The following IGSF9 variants were observed in gnomAD, a reference collection of about 807,000 sequenced individuals.
IGSF9 encodes protein turtle homolog A.
A neutral mutation model predicts 121.7 loss-of-function variants in IGSF9; 87 were observed. The ratio of observed to expected loss-of-function variants is 0.71; its 90% CI spans 0.60 to 0.85. The LOEUF (loss-of-function observed/expected upper bound fraction) is 0.85, where lower values mean the gene tolerates loss of function less well. Among genes scored for constraint, IGSF9 ranks in the 40% least tolerant of loss-of-function variants. The pLI, the probability that IGSF9 is intolerant of heterozygous loss-of-function variation, is 0.00. For missense variants in IGSF9, 1,462 were observed against 1,565.3 expected (o/e 0.93, Z 1.11); for synonymous variants, 640 against 648.4 (o/e 0.99, Z 0.20).
rs1651006459 is a variant in IGSF9 at position 159,931,714 on chromosome 1, TCTC to T, written c.1362+95_1362+97del. The T allele has an allele frequency of 2.7e-6, 4 of 1,498,208 alleles. No homozygotes were observed. Among genetic ancestry groups the T allele is most frequent in the Non-Finnish European group, 3.6e-6 (4 of 1,098,812 alleles). 92.8% of individuals were successfully genotyped at this position (1,498,208 alleles called of 1,614,324 possible). A position where few individuals can be genotyped will look rare whatever the true frequency, so the allele number is the denominator to read the frequency against. ...CTCCCCACCCTGCCTCTGACAGCCT[TCTC>T]CTTCCCACACCCTCCCTCCCACAAA... On this transcript the variant is annotated intron_variant, in intron 11 of 20. Transcript: ENST00000368094. This position sits in a 1 kb window ranked among gnomAD's most constrained non-coding sequence, Gnocchi z 4.8.
rs1223636156 is a variant in IGSF9 at position 159,927,429 on chromosome 1, G to C, written c.3456C>G (p.Phe1152Leu). 1 of 1,614,148 alleles carries C rather than the reference G, an allele frequency of 6.2e-7. No individual in the cohort carries two copies. Among genetic ancestry groups the C allele is most frequent in the East Asian group, 2.2e-5 (1 of 44,886 alleles). ...CCCTAGTAGCATCTCGGCGGCGGCG[G>C]AAGGCCAGGAATTCCTCCCGAAGGG... is the stretch of plus-strand genomic sequence containing the variant. ...CAALREEFLA[F>L]RRRRDATRAR... The change falls in exon 21 of 21, where the codon TTC becomes TTG. Residue 1152 changes from phenylalanine (F) to leucine (L), a missense_variant. Phe to Leu is a conservative substitution (Grantham distance 22). This residue lies in a region of IGSF9 where 808 missense variants were observed against 815.2 expected (regional missense o/e 0.99). Transcript: ENST00000368094.
chr1:159,932,880 C>G lies in IGSF9; in HGVS notation c.1105-228G>C. ...GTGACTGCACAACTCCAGGGGGTGCCACTCACAGAAAATACACTGTGAATG... is the reference window on the plus strand; with the variant it reads ...GTGACTGCACAACTCCAGGGGGTGCGACTCACAGAAAATACACTGTGAATG... On this transcript the variant is annotated intron_variant, in intron 9 of 20. Coordinates refer to ENST00000368094, the MANE Select transcript of IGSF9 (RefSeq NM_001135050.2). This position sits in a 1 kb window ranked among gnomAD's most constrained non-coding sequence, Gnocchi z 4.1. 2.1e-6 allele frequency: 1 copy of G among 485,236 alleles called. No individual in the cohort carries two copies. Among genetic ancestry groups the G allele is most frequent in the Non-Finnish European group, 3.6e-6 (1 of 277,070 alleles). The allele number at this position is 485,236 out of a possible 1,614,324, so 30.1% of individuals were successfully genotyped here.
Position 159,927,493 on chromosome 1 carries a change from T to C in IGSF9, c.3392A>G (p.Asn1131Ser). The C allele has an allele frequency of 1.2e-6, 2 of 1,613,986 alleles. No homozygotes were observed. The highest frequency in any genetic ancestry group is 1.1e-5 in the South Asian group (1 of 91,068). ...VKTPEEGCLL[N>S]TAHVTGPEAR... ...CTCAGGGCCAGTAACATGGGCAGTG[T>C]TCAGGAGGCAGCCCTCCTCTGGAGT... The change falls in exon 21 of 21, where the codon AAC becomes AGC. Residue 1131 changes from asparagine (N) to serine (S), a missense_variant. Asn to Ser is a conservative substitution (Grantham distance 46). Coordinates refer to ENST00000368094, the MANE Select transcript of IGSF9 (RefSeq NM_001135050.2).
In IGSF9 at chr1:159,932,926, G is replaced by A. The variant is rs879660332; in HGVS notation, c.1105-274C>T. On this transcript the variant is annotated intron_variant, in intron 9 of 20. Transcript: ENST00000368094. This position sits in a 1 kb window ranked among gnomAD's most constrained non-coding sequence, Gnocchi z 4.1. The stretch of plus-strand genomic sequence containing the variant: ...GAATGGCCACCCCTGTAGTTGGGCC[G>A]CGTGGGGCTTCCTGCCTGCTGGGAC... 35 of 335,246 alleles carry A rather than the reference G, an allele frequency of 1.0e-4. No homozygotes were observed. Among genetic ancestry groups the A allele is most frequent in the Admixed American group, 1.9e-4 (4 of 21,620 alleles). 20.8% of individuals were successfully genotyped at this position (335,246 alleles called of 1,614,324 possible).
In IGSF9 at chr1:159,943,062, G is replaced by C. The variant is rs769777467; in HGVS notation, c.148C>G (p.Pro50Ala). The C allele has an allele frequency of 3.7e-6, 6 of 1,611,390 alleles. No individual in the cohort carries two copies. The African/African-American group carries it at 6.7e-5, about 18-fold the overall frequency. Residue 50 changes from proline to alanine, a missense_variant, in exon 3 of 21, where the codon CCC becomes GCC. By Grantham distance (27) the Pro-to-Ala change is conservative. This residue lies in a region of IGSF9 where 558 missense variants were observed against 599.4 expected (regional missense o/e 0.93). Coordinates refer to ENST00000368094, the MANE Select transcript of IGSF9 (RefSeq NM_001135050.2). ...AGCCACTCGATGACATGCAGGGGGG[G>C]CCGGCCGGCCGGGGGCAGCAGGTCA... ...GCDLLPPAGR[P>A]PLHVIEWLRF...
At position 159,928,564 on chromosome 1, in the gene IGSF9, G is replaced by A. The variant is rs1211608105; in HGVS notation, c.2824C>T (p.Pro942Ser). 5 of 1,536,404 alleles carry A rather than the reference G, an allele frequency of 3.3e-6. No individual in the cohort carries two copies. The African/African-American group carries it at 4.1e-5, about 13-fold the overall frequency. Residue 942 changes from proline to serine, a missense_variant, in exon 19 of 21, where the codon CCC (proline) becomes TCC (serine). This residue lies in a region of IGSF9 where 808 missense variants were observed against 815.2 expected (regional missense o/e 0.99). Coordinates refer to ENST00000368094, the MANE Select transcript of IGSF9 (RefSeq NM_001135050.2). ...GCAGGGCTGGGCTCCTCAAGCGGGG[G>A]CCAGTCCCCATCCACATTCATCTCT... ...FREMNVDGDW[P>S]PLEEPSPAAP...
chr1:159,929,144 C>T (rs1003141527), intron 18 of IGSF9, 126 bp from the exon 19 acceptor site: 83 of 1,381,920 alleles, frequency 6.0e-5, no homozygotes, highest in Non-Finnish European at 7.8e-5. Context: ...AGGAAAGGAC[C>T]AACAAGGTGG....
chr1:159,929,087 C>T, intron 18 of IGSF9, 69 bp from the exon 19 acceptor site: 1 of 1,482,196 alleles, frequency 6.7e-7, no homozygotes, highest in Admixed American at 2.5e-5. Flanking sequence ...AGCGTCAGGC[C>T]TTGAGAGGTT....
At chr1:159,939,134 C>T (rs1334197445) in intron 3 of IGSF9, among the ~76,000 whole-genome samples, 2 of 152,208 alleles carry the variant, frequency 1.3e-5, no homozygotes, top group African/African-American at 2.4e-5. Flanking sequence ...ACCTGGGTTT[C>T]TCCAACAGCC....
In IGSF9 at chr1:159,928,368, C is replaced by A. The variant is rs201522235; in HGVS notation, c.3020G>T (p.Arg1007Leu). Residue 1007 changes from arginine (R) to leucine (L), a missense_variant, in exon 19 of 21, where the codon CGG becomes CTG. By Grantham distance (102) the Arg-to-Leu change is moderately radical. Transcript: ENST00000368094. ...TALADWTLRE[R>L]LLPGLLPAAP... ...AGCAGGGAGAAGGCCTGGCAGCAGC[C>A]GCTCCCTCAGTGTCCAGTCAGCCAG... The A allele has an allele frequency of 6.2e-7, 1 of 1,609,398 alleles. No homozygotes were observed. Among genetic ancestry groups the A allele is most frequent in the Non-Finnish European group, 8.5e-7 (1 of 1,177,986 alleles).
chr1:159,935,143 A>G (rs1306669760), intron 6 of IGSF9, among the ~76,000 whole-genome samples: 1 of 151,798 alleles, frequency 6.6e-6, no homozygotes, highest in Non-Finnish European at 1.5e-5. Flanking sequence ...CCTGCTTGTC[A>G]CCTCTTGAAT....
chr1:159,928,944 C>A lies in IGSF9; in HGVS notation c.2444G>T (p.Arg815Leu). 9.7e-6 allele frequency: 15 copies of A among 1,547,416 alleles called. No individual in the cohort carries two copies. Among genetic ancestry groups the A allele is most frequent in the South Asian group, 1.2e-5 (1 of 80,264 alleles). ...KLQGSPVPSL[R>L]QSLLWGDPAG... ...AGGATCCCCCCAGAGCAGACTCTGG[C>A]GCAGGCTGGGGACTGGGGATCCCTG... is the stretch of plus-strand genomic sequence containing the variant. The change falls in exon 19 of 21, where the codon CGC becomes CTC. Residue 815 changes from arginine to leucine, a missense_variant. By Grantham distance (102) the Arg-to-Leu change is moderately radical. Coordinates refer to ENST00000368094, the MANE Select transcript of IGSF9 (RefSeq NM_001135050.2).
At chr1:159,937,157 G>A (rs901817098) in intron 4 of IGSF9, among the ~76,000 whole-genome samples, 2 of 152,186 alleles carry the variant, frequency 1.3e-5, no homozygotes, top group African/African-American at 4.8e-5. Context: ...GGAGAGCCAA[G>A]CCCCCTCAGG....
Position 159,936,821 on chromosome 1 carries a change from CT to C in IGSF9, c.487del (p.Ser163AlafsTer6). ...PVTLRCVARGSPLPHVTWKLR... is the reference protein window; with the variant it reads ...PVTLRCVARGXPLPHVTWKLR... Reference sequence around the variant, plus strand: ...CTTCCACGTCACATGAGGCAGGGGGCTGCCACGGGCCACACAACGCAGGGTC... The same window carrying C: ...CTTCCACGTCACATGAGGCAGGGGGCGCCACGGGCCACACAACGCAGGGTC... On this transcript the variant is annotated frameshift_variant, in exon 5 of 21. Coordinates refer to ENST00000368094, the MANE Select transcript of IGSF9 (RefSeq NM_001135050.2). LOFTEE classifies it high-confidence loss of function. The C allele has an allele frequency of 6.2e-7, 1 of 1,614,242 alleles. No homozygotes were observed. The highest frequency in any genetic ancestry group is 8.5e-7 in the Non-Finnish European group (1 of 1,180,034).
At chr1:159,933,026 A>G (rs556047594) in intron 9 of IGSF9, 3 of 172,034 alleles carry the variant, frequency 1.7e-5, no homozygotes, top group African/African-American at 7.1e-5. Context: ...CTATTTCTCT[A>G]TTAAAGGGCC....
In IGSF9 at chr1:159,932,876, G is replaced by T. The variant is rs1017431593; in HGVS notation, c.1105-224C>A. ...GGCTGTGACTGCACAACTCCAGGGG[G>T]TGCCACTCACAGAAAATACACTGTG... is the stretch of plus-strand genomic sequence containing the variant. On this transcript the variant is annotated intron_variant, in intron 9 of 20. Transcript: ENST00000368094. This position sits in a 1 kb window ranked among gnomAD's most constrained non-coding sequence, Gnocchi z 4.1. 6.1e-6 allele frequency: 3 copies of T among 490,896 alleles called. No homozygotes were observed. The East Asian group carries it at 1.1e-4, about 18-fold the overall frequency. 30.4% of individuals were successfully genotyped at this position (490,896 alleles called of 1,614,324 possible).
At chr1:159,937,650 C>G (rs751306044) in intron 4 of IGSF9, 36 bp downstream of exon 4, 69 of 1,601,388 alleles carry the variant, frequency 4.3e-5, no homozygotes, top group Non-Finnish European at 5.8e-5. Context: ...CTCCTCCTCC[C>G]CGTCCTTCTC....
rs1651020790 is a variant in IGSF9, at chr1:159,932,087, A to G, written c.1246-159T>C. On this transcript the variant is annotated intron_variant, in intron 10 of 20. Coordinates refer to ENST00000368094, the MANE Select transcript of IGSF9 (RefSeq NM_001135050.2). This position sits in a 1 kb window ranked among gnomAD's most constrained non-coding sequence, Gnocchi z 4.1. ...CCTGTCTCTACCTCATTCTCTCTCC[A>G]TCTCTCAATTCCTCTCTGGCTCTGT... The G allele has an allele frequency of 6.8e-6, 4 of 585,078 alleles. No individual in the cohort carries two copies. Among genetic ancestry groups the G allele is most frequent in the East Asian group, 5.9e-5 (2 of 34,154 alleles). The allele number at this position is 585,078 out of a possible 1,614,324, so 36.2% of individuals were successfully genotyped here.
rs185551284 is a variant in IGSF9, at chr1:159,940,187, G to A, written c.248-2349C>T. Reference sequence around the variant, plus strand: ...CCAGGCTTCTTTCTCCAGACGCGGCGTGCTTTCCATGGACACGGGTGTTAG... The same window carrying A: ...CCAGGCTTCTTTCTCCAGACGCGGCATGCTTTCCATGGACACGGGTGTTAG... On this transcript the variant is annotated intron_variant, in intron 3 of 20. Transcript: ENST00000368094. Among the ~76,000 whole-genome samples the A allele has an allele frequency of 1.8e-3, 280 of 152,326 alleles. 2 individuals are homozygous for A. Among genetic ancestry groups the A allele is most frequent in the African/African-American group, 6.4e-3 (264 of 41,562 alleles).
Sources: allele counts gnomAD v4.1 joint callset (sites outside exome capture counted in the v4.1 genomes callset), GRCh38; gene constraint gnomAD v4.1.1; regional missense constraint gnomAD v4.1.1; non-coding constraint Gnocchi (gnomAD v3.1); transcripts MANE v1.5; gene names NCBI Gene and HGNC (gene_info 2026-07-23, HGNC 2026-07-21).